Variants in TTC7A observed in about 807,000 individuals in gnomAD.
TTC7A encodes tetratricopeptide repeat domain 7A.
Under a neutral mutation model 103.7 loss-of-function variants are expected in TTC7A, and 110 were observed. The ratio of observed to expected loss-of-function variants is 1.06; its 90% CI spans 0.91 to 1.24. The LOEUF is 1.24. TTC7A is among the 50% of genes most tolerant of loss of function. The pLI is 0.00. For synonymous variants in TTC7A, 521 were observed against 467.9 expected (o/e 1.11, Z -1.47); for missense variants, 1,340 against 1,116.3 (o/e 1.20, Z -2.86).
At chr2:47,047,969 A>G (rs1276145376) in intron 16 of TTC7A, among the ~76,000 whole-genome samples, 2 of 152,204 alleles carry the variant, frequency 1.3e-5, no homozygotes, top group Non-Finnish European at 1.5e-5. Context: ...CACTGAGGGT[A>G]GAATCTAGTT....
At chr2:47,049,840 G>A in intron 16 of TTC7A, 109 bp from the exon 17 acceptor site, 1 of 791,382 alleles carries the variant, frequency 1.3e-6, no homozygotes, top group Non-Finnish European at 2.1e-6. Context: ...CTGGAGTGAG[G>A]CTGTCCCATT....
chr2:46,951,819 A>G, intron 2 of TTC7A: 1 of 367,690 alleles, frequency 2.7e-6, no homozygotes, highest in Non-Finnish European at 5.4e-6. Flanking sequence ...AATCAAGACG[A>G]ATCCAGCATG....
At chr2:47,068,614 G>C (rs1190443597) in intron 19 of TTC7A, 3 of 151,864 alleles carry the variant, frequency 2.0e-5, no homozygotes, top group Non-Finnish European at 4.4e-5. Context: ...TGGTGTGGGG[G>C]GTATGAGGGT....
At chr2:47,061,277 C>T (rs111324229) in intron 19 of TTC7A, among the ~76,000 whole-genome samples, 2 of 152,168 alleles carry the variant, frequency 1.3e-5, no homozygotes, top group Non-Finnish European at 2.9e-5. Flanking sequence ...GCAAAGGGAT[C>T]TAGCCCCAAA....
intron 2 of TTC7A, among the ~76,000 whole-genome samples, chr2:46,931,484 A>G (rs1225158171): frequency 6.6e-6 from 1 of 152,154 alleles, no homozygotes; most frequent in Non-Finnish European, 1.5e-5. Flanking sequence ...TGAGCCCAAT[A>G]TAATCACAAG....
intron 5 of TTC7A, among the ~76,000 whole-genome samples, chr2:46,979,780 G>A (rs906779422): frequency 3.6e-4 from 55 of 152,316 alleles, no homozygotes; most frequent in African/African-American, 1.2e-3. Flanking sequence ...GGGAGCTGAG[G>A]TTTCCTGCCT....
intron 13 of TTC7A, among the ~76,000 whole-genome samples, chr2:47,023,978 T>C (rs529524864): frequency 6.9e-6 from 1 of 145,032 alleles, no homozygotes; most frequent in East Asian, 2.1e-4. Context: ...TCTCTGCCCA[T>C]GGGTTGTATA....
At chr2:47,069,785 G>A (rs1684506398) in intron 19 of TTC7A, among the ~76,000 whole-genome samples, 1 of 152,200 alleles carries the variant, frequency 6.6e-6, no homozygotes, top group African/African-American at 2.4e-5. Context: ...CTATGTTCCA[G>A]GGTGGCGTTA....
rs952740182 is a variant in TTC7A, at chr2:46,967,117, A to G, written c.518-7856A>G. Among the ~76,000 whole-genome samples the G allele has an allele frequency of 7.9e-5, 12 of 152,176 alleles. No homozygotes were observed. In the South Asian group the frequency reaches 2.5e-3, roughly 32 times the overall value. On this transcript the variant is annotated intron_variant, in intron 3 of 19. Transcript: ENST00000319190. Reference sequence around the variant, plus strand: ...AATTCCAGCTACTCAGGAGGCTGAGACAGGAGAATTGCTTGAACCCAGGAG... The same window carrying G: ...AATTCCAGCTACTCAGGAGGCTGAGGCAGGAGAATTGCTTGAACCCAGGAG...
rs184452273 is a variant in TTC7A at position 47,075,241 on chromosome 2, C to T, written c.*1318C>T. On this transcript the variant is annotated 3_prime_UTR_variant, in exon 20 of 20. Coordinates refer to ENST00000319190, the MANE Select transcript of TTC7A (RefSeq NM_020458.4). Reference sequence around the variant, plus strand: ...CCAGGCCAAGGGGCACCACAGAGGACCCTGGATCCTTTGCCTCTTCTTGGT... The same window carrying T: ...CCAGGCCAAGGGGCACCACAGAGGATCCTGGATCCTTTGCCTCTTCTTGGT... The T allele has an allele frequency of 8.5e-5, 13 of 152,306 alleles. No individual in the cohort carries two copies. Among genetic ancestry groups the T allele is most frequent in the Admixed American group, 7.8e-4 (12 of 15,306 alleles). The allele number at this position is 152,306 out of a possible 1,614,324, so 9.4% of individuals were successfully genotyped here.
At chr2:47,000,536 C>T (rs1676698821) in intron 8 of TTC7A, among the ~76,000 whole-genome samples, 1 of 152,220 alleles carries the variant, frequency 6.6e-6, no homozygotes, top group African/African-American at 2.4e-5. Context: ...TGGCCTGGGT[C>T]GCTGGGTGGA....
chr2:47,046,184 C>G, intron 15 of TTC7A, 131 bp from the exon 16 acceptor site: 2 of 704,858 alleles, frequency 2.8e-6, no homozygotes. Flanking sequence ...GCAGAGGCTG[C>G]TGCCCTCATG....
At chr2:46,948,394 C>T (rs988284260) in intron 1 of TTC7A, among the ~76,000 whole-genome samples, 16 of 152,200 alleles carry the variant, frequency 1.1e-4, no homozygotes, top group African/African-American at 3.9e-4. Context: ...CCTAGAGGTT[C>T]TACCAACTTA....
chr2:47,055,971 T>A (rs1398574048), intron 18 of TTC7A, among the ~76,000 whole-genome samples: 2 of 152,184 alleles, frequency 1.3e-5, no homozygotes, highest in African/African-American at 4.8e-5. Flanking sequence ...AGTGCCTTCT[T>A]CCCACGTCCT....
intron 5 of TTC7A, among the ~76,000 whole-genome samples, chr2:46,980,866 G>T (rs993509581): frequency 1.1e-4 from 16 of 152,234 alleles, no homozygotes; most frequent in Non-Finnish European, 1.9e-4. Context: ...CAGGAGAGCA[G>T]TTTACTTGCT....
chr2:47,067,762 A>T (rs1684301723), intron 19 of TTC7A: 2 of 152,170 alleles, frequency 1.3e-5, no homozygotes, highest in Non-Finnish European at 2.9e-5. Context: ...GAATTAGGTT[A>T]AATAATTCCA....
chr2:46,994,291 G>T, intron 6 of TTC7A, 66 bp from the exon 7 acceptor site: 2 of 1,547,252 alleles, frequency 1.3e-6, no homozygotes, highest in South Asian at 1.2e-5. Context: ...GGCAGAGGGC[G>T]TTCTAGGTCA....
chr2:47,051,484 AT>A (rs1433653580), intron 17 of TTC7A, among the ~76,000 whole-genome samples: 1 of 152,192 alleles, frequency 6.6e-6, no homozygotes, highest in African/African-American at 2.4e-5. Flanking sequence ...CTTTGCTGAC[AT>A]TATTGTTTTC....
intron 4 of TTC7A, 39 bp from the exon 5 acceptor site, chr2:46,978,753 A>T (rs747042318): frequency 1.2e-5 from 19 of 1,562,094 alleles, no homozygotes; most frequent in Non-Finnish European, 1.7e-5. Flanking sequence ...CTGCCTCAGA[A>T]CTTTGAGACA....
Sources: gnomAD v4.1 joint callset for allele counts (sites outside exome capture counted in the v4.1 genomes callset) on GRCh38, gnomAD v4.1.1 for gene constraint, MANE v1.5 for transcripts, NCBI Gene and HGNC (gene_info 2026-07-23, HGNC 2026-07-21) for gene names.